The following WWTR1 variants were observed in gnomAD, a reference collection of about 807,000 sequenced individuals.
The protein encoded by WWTR1 is WW domain-containing transcription regulator protein 1.
WWTR1 carries 13 observed loss-of-function variants against 40.1 expected under a neutral mutation model. That is an observed-to-expected ratio of 0.32 (90% CI 0.21 to 0.52). WWTR1 has a LOEUF of 0.52. WWTR1 is among the 20% of genes least tolerant of loss of function. The pLI is 0.97. For synonymous variants in WWTR1, 230 were observed against 210.1 expected, an observed-to-expected ratio of 1.09 and a Z score of -0.82; for missense variants, 436 against 523.1, an observed-to-expected ratio of 0.83 and a Z score of 1.63.
intron 2 of WWTR1, among the ~76,000 whole-genome samples, chr3:149,666,071 A>G (rs1404359790): frequency 1.3e-5 from 2 of 152,140 alleles, no homozygotes; most frequent in Non-Finnish European, 2.9e-5. Flanking sequence ...TAAAACATTT[A>G]TTGTTTGACA....
At chr3:149,722,500 T>C (rs1715777292) in intron 4 of WWTR1, among the ~76,000 whole-genome samples, 1 of 152,172 alleles carries the variant, frequency 6.6e-6, no homozygotes, top group Admixed American at 6.5e-5. Context: ...TAATTTCCAT[T>C]ATGATTTCTT....
chr3:149,591,363 T>A (rs1051844216), intron 2 of WWTR1, among the ~76,000 whole-genome samples: 5 of 152,224 alleles, frequency 3.3e-5, no homozygotes, highest in African/African-American at 1.2e-4. Context: ...ATAGTAACTT[T>A]AGCCTAACTT....
chr3:149,649,429 G>T (rs953064665), intron 2 of WWTR1, among the ~76,000 whole-genome samples: 1 of 152,218 alleles, frequency 6.6e-6, no homozygotes, highest in Non-Finnish European at 1.5e-5. Flanking sequence ...ACTTGCAAAG[G>T]TGGTGTTTGT....
chr3:149,707,711 G>T (rs574457857), upstream of WWTR1, among the ~76,000 whole-genome samples: 2 of 152,254 alleles, frequency 1.3e-5, no homozygotes, highest in African/African-American at 4.8e-5. Context: ...TAGAGGCAAT[G>T]TAGGTTCTCA....
At chr3:149,578,396 T>C (rs1737987713) in intron 2 of WWTR1, among the ~76,000 whole-genome samples, 1 of 152,188 alleles carries the variant, frequency 6.6e-6, no homozygotes, top group Non-Finnish European at 1.5e-5. Context: ...ACAGATTTCA[T>C]GGCCAGTTCT....
chr3:149,602,044 A>G (rs1257978568), intron 2 of WWTR1, among the ~76,000 whole-genome samples: 1 of 152,096 alleles, frequency 6.6e-6, no homozygotes, highest in African/African-American at 2.4e-5. Context: ...GACTACATCT[A>G]ATTTTCACAT....
At chr3:149,609,880 A>G (rs1400563531) in intron 2 of WWTR1, among the ~76,000 whole-genome samples, 1 of 152,226 alleles carries the variant, frequency 6.6e-6, no homozygotes, top group Non-Finnish European at 1.5e-5. Flanking sequence ...CACAGAGGAA[A>G]TAATAACCTT....
At chr3:149,632,861 A>G (rs943748436) in intron 2 of WWTR1, among the ~76,000 whole-genome samples, 1 of 152,202 alleles carries the variant, frequency 6.6e-6, no homozygotes, top group Non-Finnish European at 1.5e-5. Flanking sequence ...AAAGCTACAG[A>G]GACATAAAGT....
chr3:149,656,754 ATCTCTCTCTT>A lies in WWTR1; in HGVS notation c.431+112_431+121del, dbSNP rs763088251. 4.8e-3 allele frequency: 3,675 copies of A among 763,516 alleles called. 22 individuals are homozygous for A. Among genetic ancestry groups the A allele is most frequent in the East Asian group, 0.011 (300 of 27,676 alleles). The allele number at this position is 763,516 out of a possible 1,614,324, so 47.3% of individuals were successfully genotyped here. A position where few individuals can be genotyped will look rare whatever the true frequency, so the allele number is the denominator to read the frequency against. Reference sequence around the variant, plus strand: ...AAATAACCGTGGAAGGACACGCACCATCTCTCTCTTTCTCTCTCTCTCTCTCTCTCTCTCT... The same window carrying A: ...AAATAACCGTGGAAGGACACGCACCATCTCTCTCTCTCTCTCTCTCTCTCT... On this transcript the variant is annotated intron_variant, in intron 2 of 6. Transcript: ENST00000360632.
intron 2 of WWTR1, among the ~76,000 whole-genome samples, chr3:149,626,121 C>T (rs533591698): frequency 1.3e-5 from 2 of 152,296 alleles, no homozygotes; most frequent in African/African-American, 4.8e-5. Flanking sequence ...ACAAAAACAT[C>T]ACAGATGGCT....
chr3:149,706,470 C>T (rs1161637494), upstream of WWTR1, among the ~76,000 whole-genome samples: 10 of 151,782 alleles, frequency 6.6e-5, no homozygotes, highest in Non-Finnish European at 1.0e-4. Context: ...AGGCATGCAC[C>T]ACCACGCCCG....
In WWTR1 at chr3:149,638,561, C is replaced by G. The variant is rs79038680; in HGVS notation, c.431+18315G>C. On this transcript the variant is annotated intron_variant, in intron 2 of 6. Coordinates refer to ENST00000360632, the MANE Select transcript of WWTR1 (RefSeq NM_015472.6). Reference sequence around the variant, plus strand: ...AAAAATGACTCCTTTTCTCTTGTCTCTGCGTGTGCTTCTCTGACTCGCTTG... The same window carrying G: ...AAAAATGACTCCTTTTCTCTTGTCTGTGCGTGTGCTTCTCTGACTCGCTTG... Among the ~76,000 whole-genome samples, 1,235 of 152,194 alleles carry G rather than the reference C, an allele frequency of 8.1e-3. 16 individuals are homozygous for G. The highest frequency in any genetic ancestry group is 0.028 in the African/African-American group (1,168 of 41,522).
intron 2 of WWTR1, among the ~76,000 whole-genome samples, chr3:149,629,627 TG>T (rs1488968794): frequency 1.2e-4 from 19 of 152,246 alleles, no homozygotes; most frequent in African/African-American, 4.6e-4. Context: ...TATTCTTCTC[TG>T]TCACAACAAT....
At chr3:149,622,502 G>GAAGGAAGGAAGC (rs1553800283) in intron 2 of WWTR1, among the ~76,000 whole-genome samples, 1 of 46,300 alleles carries the variant, frequency 2.2e-5, no homozygotes, top group Non-Finnish European at 4.3e-5. Flanking sequence ...AGGAAGGAAG[G>GAAGGAAGGAAGC]AAGAAAGAAA....
rs116791125 is a variant in WWTR1, at chr3:149,539,579, C to T, written c.771+2756G>A. ...GGGATATTCAGGCAGTTGTTGACTA[C>T]CCAGGACATAGGGGTAGGACAGAGA... On this transcript the variant is annotated intron_variant, in intron 4 of 6. Coordinates refer to ENST00000360632, the MANE Select transcript of WWTR1 (RefSeq NM_015472.6). 9.7e-3 allele frequency among the ~76,000 whole-genome samples: 1,471 copies of T among 152,278 alleles called. 32 individuals carry two copies. Among genetic ancestry groups the T allele is most frequent in the African/African-American group, 0.034 (1,397 of 41,544 alleles).
At chr3:149,597,522 G>A (rs546696985) in intron 2 of WWTR1, among the ~76,000 whole-genome samples, 7 of 152,014 alleles carry the variant, frequency 4.6e-5, no homozygotes, top group Non-Finnish European at 8.8e-5. Context: ...GCGCACACCT[G>A]AAGTCCCAGT....
Position 149,520,568 on chromosome 3 carries a change from A to C in WWTR1, c.*237T>G, listed in dbSNP as rs1024746167. 1.3e-5 allele frequency: 5 copies of C among 375,878 alleles called. No homozygotes were observed. The highest frequency in any genetic ancestry group is 1.0e-4 in the African/African-American group (5 of 48,074). The allele number at this position is 375,878 out of a possible 1,614,324, so 23.3% of individuals were successfully genotyped here. A position where few individuals can be genotyped will look rare whatever the true frequency, so the allele number is the denominator to read the frequency against. Reference sequence around the variant, plus strand: ...CAATCCTGCAGACACAATTCTGTATAATCTGTCACAAGAACGCAGGCTTGC... The same window carrying C: ...CAATCCTGCAGACACAATTCTGTATCATCTGTCACAAGAACGCAGGCTTGC... On this transcript the variant is annotated 3_prime_UTR_variant, in exon 7 of 7. Coordinates refer to ENST00000360632, the MANE Select transcript of WWTR1 (RefSeq NM_015472.6).
At chr3:149,682,937 G>A (rs572593643) in intron 1 of WWTR1, among the ~76,000 whole-genome samples, 1 of 152,262 alleles carries the variant, frequency 6.6e-6, no homozygotes, top group Admixed American at 6.5e-5. Flanking sequence ...TGTGGCTCTG[G>A]CAGGATGAAG....
chr3:149,710,952 A>G (rs892279118), intron 5 of WWTR1, among the ~76,000 whole-genome samples: 1 of 152,130 alleles, frequency 6.6e-6, no homozygotes, highest in African/African-American at 2.4e-5. Flanking sequence ...TCACATATGT[A>G]GTAAAGAGTA....
Sources: allele counts gnomAD v4.1 joint callset (sites outside exome capture counted in the v4.1 genomes callset), GRCh38; gene constraint gnomAD v4.1.1; transcripts MANE v1.5; gene names NCBI Gene and HGNC (gene_info 2026-07-23, HGNC 2026-07-21).